The following GPC3 variants were observed in gnomAD, a reference collection of about 807,000 sequenced individuals.
GPC3 encodes the protein glypican-3.
GPC3 carries 3 observed loss-of-function variants against 34.4 expected under a neutral mutation model. The observed-to-expected ratio is 0.09, with a 90% confidence interval of 0.04 to 0.23. The LOEUF is 0.23. Ranked by LOEUF, GPC3 falls within the 10% of genes least tolerant of loss-of-function variation. The pLI, the probability that GPC3 is intolerant of heterozygous loss-of-function variation, is 1.00. For missense variants in GPC3, 351 were observed against 445.6 expected (o/e 0.79, Z 1.91); for synonymous variants, 177 against 174.0 (o/e 1.02, Z -0.13).
chrX:133,788,120 A>ATATATATG (rs1345029532), intron 2 of GPC3, among the ~76,000 whole-genome samples: 25 of 81,775 alleles, frequency 3.1e-4, no homozygotes, highest in African/African-American at 1.2e-3. Flanking sequence ...ATATATATAT[A>ATATATATG]TATGTATGTA....
intron 6 of GPC3, among the ~76,000 whole-genome samples, chrX:133,622,785 G>A (rs2070248613): frequency 9.0e-6 from 1 of 111,523 alleles, no homozygotes; most frequent in African/African-American, 3.3e-5. Context: ...TAGCAAGGCA[G>A]GCCAACATTC....
intron 1 of GPC3, among the ~76,000 whole-genome samples, chrX:133,984,588 A>T (rs1262570764): frequency 9.0e-6 from 1 of 111,567 alleles, no homozygotes; most frequent in African/African-American, 3.3e-5. Context: ...GGAGTTAAAT[A>T]TCTTTGGACT....
Position 133,617,594 on chromosome X carries a change from C to T in GPC3, c.1414-20995G>A, listed in dbSNP as rs186001086. ...AAAAGAGTTTGAGCTATTATCATTCCGGCTTTTTCATCAAACCAAATAGTA... is the reference window on the plus strand; with the variant it reads ...AAAAGAGTTTGAGCTATTATCATTCTGGCTTTTTCATCAAACCAAATAGTA... On this transcript the variant is annotated intron_variant, in intron 6 of 7. Transcript: ENST00000370818. Among the ~76,000 whole-genome samples, 215 of 111,984 alleles carry T rather than the reference C, an allele frequency of 1.9e-3. 1 individual carries two copies. Among genetic ancestry groups the T allele is most frequent in the African/African-American group, 6.6e-3 (204 of 30,880 alleles).
intron 2 of GPC3, among the ~76,000 whole-genome samples, chrX:133,806,023 G>A (rs1371532787): frequency 2.7e-5 from 3 of 112,160 alleles, no homozygotes; most frequent in Non-Finnish European, 5.6e-5. Context: ...CCAGTTATAT[G>A]TGGAAAATAC....
At chrX:133,709,727 G>A (rs187489854) in intron 3 of GPC3, among the ~76,000 whole-genome samples, 1 of 111,976 alleles carries the variant, frequency 8.9e-6, no homozygotes, top group East Asian at 2.8e-4. Context: ...ACTGCATGGA[G>A]GTAGCTCAAA....
Position 133,535,861 on chromosome X carries a change from A to T in GPC3, c.*263T>A. 1 of 364,011 alleles carries T rather than the reference A, an allele frequency of 2.7e-6. No homozygotes were observed. Among genetic ancestry groups the T allele is most frequent in the Admixed American group, 4.8e-5 (1 of 21,002 alleles). The allele number at this position is 364,011 out of a possible 1,213,427, so 30.0% of individuals were successfully genotyped here. ...CCATGTTCTAGCAGCCAAACATAGG[A>T]GAATAATTTGGCACAACTTGATGGT... On this transcript the variant is annotated 3_prime_UTR_variant, in exon 8 of 8. Transcript: ENST00000370818.
At chrX:133,609,352 T>C (rs2070084726) in intron 6 of GPC3, among the ~76,000 whole-genome samples, 1 of 112,349 alleles carries the variant, frequency 8.9e-6, no homozygotes, top group Admixed American at 9.4e-5. Flanking sequence ...ACTTCCTTGT[T>C]GTAGTGTAGT....
chrX:133,888,779 T>A (rs2076073254), intron 2 of GPC3, among the ~76,000 whole-genome samples: 1 of 112,521 alleles, frequency 8.9e-6, no homozygotes, highest in African/African-American at 3.2e-5. Context: ...GTAACTCATG[T>A]ATGTTCATAA....
chrX:133,739,960 C>T (rs2071548922), intron 3 of GPC3, among the ~76,000 whole-genome samples: 1 of 112,160 alleles, frequency 8.9e-6, no homozygotes, highest in African/African-American at 3.2e-5. Flanking sequence ...CATCACACAA[C>T]CTTTTCTTCC....
intron 3 of GPC3, among the ~76,000 whole-genome samples, chrX:133,710,319 C>T (rs1358150925): frequency 8.9e-6 from 1 of 111,949 alleles, no homozygotes; most frequent in South Asian, 3.7e-4. Context: ...TTCAATAACT[C>T]TAGACAAGTC....
intron 1 of GPC3, among the ~76,000 whole-genome samples, chrX:133,980,304 C>T (rs773091715): frequency 5.3e-5 from 6 of 112,276 alleles, no homozygotes; most frequent in Non-Finnish European, 1.1e-4. Context: ...AGTTTGTCTA[C>T]ATGCCCCAAT....
chrX:133,747,416 T>C (rs1433524894), intron 3 of GPC3, among the ~76,000 whole-genome samples: 1 of 111,837 alleles, frequency 8.9e-6, no homozygotes, highest in East Asian at 2.8e-4. Flanking sequence ...CTTTTAGTAC[T>C]TCATTGGGAA....
intron 1 of GPC3, among the ~76,000 whole-genome samples, chrX:133,965,797 G>A (rs757685870): frequency 3.6e-5 from 4 of 111,581 alleles, no homozygotes; most frequent in South Asian, 3.8e-4. Context: ...ATTTCATCAC[G>A]TGTTGTCTTC....
At chrX:133,680,778 G>A (rs190582843) in intron 5 of GPC3, among the ~76,000 whole-genome samples, 7 of 111,776 alleles carry the variant, frequency 6.3e-5, no homozygotes, top group African/African-American at 1.9e-4. Context: ...AAGATTGCCC[G>A]AGTTAATCTC....
At chrX:133,691,179 A>T (rs2071058358) in intron 5 of GPC3, among the ~76,000 whole-genome samples, 2 of 111,688 alleles carry the variant, frequency 1.8e-5, no homozygotes, top group Non-Finnish European at 3.8e-5. Context: ...CAAATTCTTC[A>T]CACATAATGA....
At chrX:133,549,426 C>T (rs971830115) in intron 7 of GPC3, among the ~76,000 whole-genome samples, 2 of 111,609 alleles carry the variant, frequency 1.8e-5, no homozygotes, top group Non-Finnish European at 3.8e-5. Context: ...AGTCCTAATT[C>T]CTGAGCATGG....
rs184072717 is a variant in GPC3, at chrX:133,664,347, A to G, written c.1293-2497T>C. 2.0e-3 allele frequency among the ~76,000 whole-genome samples: 221 copies of G among 112,429 alleles called. 1 individual carries two copies. The highest frequency in any genetic ancestry group is 6.8e-3 in the African/African-American group (212 of 31,057). ...GACCAAAATTTTATTTTAGGAATCA[A>G]TTAGCTATCCACTTAAGGTAGGCAT... On this transcript the variant is annotated intron_variant, in intron 5 of 7. Transcript: ENST00000370818.
At chrX:133,735,581 A>C (rs777632089) in intron 3 of GPC3, among the ~76,000 whole-genome samples, 2 of 112,070 alleles carry the variant, frequency 1.8e-5, no homozygotes, top group Non-Finnish European at 3.8e-5. Context: ...ACATAAAGAA[A>C]TATATAAATT....
chrX:133,693,729 T>C (rs1478044719), intron 4 of GPC3, among the ~76,000 whole-genome samples: 1 of 111,817 alleles, frequency 8.9e-6, no homozygotes, highest in Non-Finnish European at 1.9e-5. Flanking sequence ...GGTGAAAATA[T>C]CCTCTTGGAC....
Sources: gnomAD v4.1 joint callset for allele counts (sites outside exome capture counted in the v4.1 genomes callset) on GRCh38, gnomAD v4.1.1 for gene constraint, MANE v1.5 for transcripts, NCBI Gene and HGNC (gene_info 2026-07-23, HGNC 2026-07-21) for gene names.